FAM135B: variants seen among roughly 807,000 people sequenced by gnomAD.
FAM135B encodes family with sequence similarity 135 member B, also known as protein FAM135B.
A neutral mutation model predicts 127.7 loss-of-function variants in FAM135B; 43 were observed. That is an observed-to-expected ratio of 0.34 (90% CI 0.26 to 0.43). The LOEUF is 0.43. Ranked by LOEUF, FAM135B falls within the 20% of genes least tolerant of loss-of-function variation. The pLI is 1.00. For synonymous variants in FAM135B, 670 were observed against 665.1 expected, an observed-to-expected ratio of 1.01 and a Z score of -0.11; for missense variants, 1,558 against 1,725.6, an observed-to-expected ratio of 0.90 and a Z score of 1.72.
At chr8:138,195,936 C>T (rs1289688296) in intron 8 of FAM135B, among the ~76,000 whole-genome samples, 1 of 152,204 alleles carries the variant, frequency 6.6e-6, no homozygotes, top group African/African-American at 2.4e-5. Context: ...TTAATTAAAG[C>T]ATGCTTGCCT....
intron 1 of FAM135B, among the ~76,000 whole-genome samples, chr8:138,391,290 T>G (rs969104360): frequency 6.6e-6 from 1 of 152,010 alleles, no homozygotes; most frequent in Non-Finnish European, 1.5e-5. Flanking sequence ...TTATTCCCAT[T>G]TTACAGAGGA....
chr8:138,410,564 T>G (rs183618541), intron 1 of FAM135B, among the ~76,000 whole-genome samples: 5 of 152,224 alleles, frequency 3.3e-5, no homozygotes, highest in African/African-American at 1.2e-4. Context: ...CAGAGAAACA[T>G]AAACCGAAAC....
At chr8:138,193,954 C>T (rs1052310678) in intron 9 of FAM135B, among the ~76,000 whole-genome samples, 4 of 152,198 alleles carry the variant, frequency 2.6e-5, no homozygotes, top group Non-Finnish European at 4.4e-5. Flanking sequence ...TGCCTTGAGG[C>T]TCACTCGGGG....
chr8:138,406,239 T>C (rs1295661654), intron 1 of FAM135B, among the ~76,000 whole-genome samples: 1 of 152,006 alleles, frequency 6.6e-6, no homozygotes, highest in African/African-American at 2.4e-5. Context: ...ATTTGTCAAT[T>C]TTGGATCTGA....
intron 4 of FAM135B, among the ~76,000 whole-genome samples, chr8:138,258,031 T>C (rs1171444439): frequency 3.9e-5 from 6 of 152,034 alleles, no homozygotes; most frequent in African/African-American, 7.3e-5. Context: ...CTGACACGCA[T>C]TTGGCCTGCA....
At chr8:138,213,228 T>C (rs1818276260) in intron 7 of FAM135B, among the ~76,000 whole-genome samples, 1 of 152,174 alleles carries the variant, frequency 6.6e-6, no homozygotes, top group African/African-American at 2.4e-5. Context: ...CTGGATATGA[T>C]TGTTGAAAAG....
At chr8:138,469,037 C>T (rs1379438067) in intron 1 of FAM135B, among the ~76,000 whole-genome samples, 1 of 146,328 alleles carries the variant, frequency 6.8e-6, no homozygotes, top group Non-Finnish European at 1.5e-5. Flanking sequence ...GAACAAGATT[C>T]TGTCAAGAAA....
intron 12 of FAM135B, among the ~76,000 whole-genome samples, chr8:138,156,603 G>A (rs890138280): frequency 6.6e-6 from 1 of 152,088 alleles, no homozygotes; most frequent in African/African-American, 2.4e-5. Context: ...AATAAAAAAT[G>A]ATAAAGGGGA....
At chr8:138,375,276 C>T (rs1234365327) in intron 1 of FAM135B, among the ~76,000 whole-genome samples, 1 of 152,114 alleles carries the variant, frequency 6.6e-6, no homozygotes. Flanking sequence ...AATCAAATTC[C>T]TTTTCTTTTA....
At chr8:138,214,720 T>G (rs1170786867) in intron 7 of FAM135B, among the ~76,000 whole-genome samples, 1 of 152,016 alleles carries the variant, frequency 6.6e-6, no homozygotes, top group African/African-American at 2.4e-5. Flanking sequence ...AAAAATAAAA[T>G]TGATACGATT....
At chr8:138,435,551 C>T (rs116811409) in intron 1 of FAM135B, among the ~76,000 whole-genome samples, 1,592 of 152,108 alleles carry the variant, frequency 0.01, 34 homozygotes, top group African/African-American at 0.037. Flanking sequence ...TATTAGAATG[C>T]AATAATATTA....
rs987634437 is a variant in FAM135B at position 138,391,929 on chromosome 8, A to G, written c.-19-23927T>C. ...ATCCCCAGCTGCTCATCACTAGGCC[A>G]TCTGGTCTCCAGGTAAGTAAACACT... On this transcript the variant is annotated intron_variant, in intron 1 of 19. Transcript: ENST00000395297. Among the ~76,000 whole-genome samples, 7 of 152,290 alleles carry G rather than the reference A, an allele frequency of 4.6e-5. No homozygotes were observed. In the South Asian group the frequency reaches 1.4e-3, roughly 32 times the overall value.
intron 2 of FAM135B, among the ~76,000 whole-genome samples, chr8:138,366,399 C>T (rs556580138): frequency 6.6e-5 from 10 of 152,176 alleles, no homozygotes; most frequent in South Asian, 6.2e-4. Flanking sequence ...GAGTACTGGC[C>T]CCAAGCCCAG....
chr8:138,377,834 CCTT>C (rs1446838450), intron 1 of FAM135B, among the ~76,000 whole-genome samples: 4 of 152,170 alleles, frequency 2.6e-5, no homozygotes, highest in African/African-American at 9.7e-5. Context: ...TCAGTGATGT[CCTT>C]CTCCCCAGGG....
At chr8:138,427,435 G>C (rs1318486400) in intron 1 of FAM135B, among the ~76,000 whole-genome samples, 1 of 151,744 alleles carries the variant, frequency 6.6e-6, no homozygotes, top group Admixed American at 6.6e-5. Context: ...TTTTTATCCT[G>C]AAACAAAAAC....
intron 1 of FAM135B, among the ~76,000 whole-genome samples, chr8:138,421,239 G>A (rs1834489142): frequency 6.6e-6 from 1 of 152,170 alleles, no homozygotes; most frequent in Non-Finnish European, 1.5e-5. Flanking sequence ...CATGAACTGG[G>A]GAGGCAGAGC....
chr8:138,352,888 T>C (rs1028414127), intron 2 of FAM135B, among the ~76,000 whole-genome samples: 1 of 152,268 alleles, frequency 6.6e-6, no homozygotes, highest in African/African-American at 2.4e-5. Flanking sequence ...TGGAGTGCAG[T>C]AGGAACTTTG....
chr8:138,226,483 T>C (rs1357013651), intron 7 of FAM135B, among the ~76,000 whole-genome samples: 1 of 152,148 alleles, frequency 6.6e-6, no homozygotes. Context: ...GAGTAGGGGT[T>C]GTCCAGGAAG....
rs1246834461 is a variant in FAM135B, at chr8:138,243,153, T to C, written c.543-85A>G. The C allele has an allele frequency of 3.4e-6, 5 of 1,478,784 alleles. No homozygotes were observed. In the Admixed American group the frequency reaches 9.1e-5, roughly 27 times the overall value. 91.6% of individuals were successfully genotyped at this position (1,478,784 alleles called of 1,614,324 possible). A position where few individuals can be genotyped will look rare whatever the true frequency, so the allele number is the denominator to read the frequency against. On this transcript the variant is annotated intron_variant, in intron 6 of 19. Transcript: ENST00000395297. The surrounding 1 kb of genome is among the most constrained non-coding windows in gnomAD (Gnocchi z 7.5). Reference sequence around the variant, plus strand: ...ACTCAGCCCCTTTGAGGAGTGTTCCTGTGAAGCATTTGGGATAAGTCATTT... The same window carrying C: ...ACTCAGCCCCTTTGAGGAGTGTTCCCGTGAAGCATTTGGGATAAGTCATTT...
Sources: gnomAD v4.1 joint callset for allele counts (sites outside exome capture counted in the v4.1 genomes callset) on GRCh38, gnomAD v4.1.1 for gene constraint, Gnocchi (gnomAD v3.1) non-coding constraint, MANE v1.5 for transcripts, NCBI Gene and HGNC (gene_info 2026-07-23, HGNC 2026-07-21) for gene names.